Variants in CNTN4 observed in about 807,000 individuals in gnomAD.
CNTN4 encodes contactin 4.
Under a neutral mutation model 122.5 loss-of-function variants are expected in CNTN4, and 77 were observed. The observed-to-expected ratio is 0.63, with a 90% CI of 0.52 to 0.76. The LOEUF is 0.76. CNTN4 is among the 30% of genes least tolerant of loss of function. The pLI, the probability that CNTN4 is intolerant of heterozygous loss-of-function variation, is 0.00. For synonymous variants in CNTN4, 512 were observed against 447.0 expected (o/e 1.15, Z -1.83); for missense variants, 1,256 against 1,259.1 (o/e 1.00, Z 0.04).
At chr3:3,049,185 C>A (rs1700994575) in intron 23 of CNTN4, among the ~76,000 whole-genome samples, 1 of 152,184 alleles carries the variant, frequency 6.6e-6, no homozygotes, top group African/African-American at 2.4e-5. Context: ...AGGGTTCAAG[C>A]AGTTCTCCTG....
chr3:2,418,126 G>A (rs2047484156), intron 3 of CNTN4, among the ~76,000 whole-genome samples: 1 of 152,100 alleles, frequency 6.6e-6, no homozygotes, highest in Non-Finnish European at 1.5e-5. Flanking sequence ...AAACCCTAAT[G>A]TAAACTCCGG....
At chr3:2,223,831 C>G (rs2039157115) in intron 2 of CNTN4, among the ~76,000 whole-genome samples, 3 of 152,162 alleles carry the variant, frequency 2.0e-5, no homozygotes, top group South Asian at 2.1e-4. Flanking sequence ...AGAAAAAAAC[C>G]CTAATTACAT....
intron 13 of CNTN4, among the ~76,000 whole-genome samples, chr3:2,932,455 C>T (rs1029751230): frequency 2.6e-5 from 4 of 152,026 alleles, no homozygotes; most frequent in African/African-American, 9.7e-5. Flanking sequence ...TGATATGGGC[C>T]TCATTGGTCT....
intron 2 of CNTN4, among the ~76,000 whole-genome samples, chr3:2,199,058 C>T (rs1372819435): frequency 6.6e-6 from 1 of 152,196 alleles, no homozygotes; most frequent in African/African-American, 2.4e-5. Flanking sequence ...AGAATACCTA[C>T]AGCAAACATA....
chr3:2,706,340 T>C (rs2086735815), intron 4 of CNTN4, among the ~76,000 whole-genome samples: 1 of 152,010 alleles, frequency 6.6e-6, no homozygotes, highest in Admixed American at 6.6e-5. Context: ...TCTGAGAAAA[T>C]AGTAGCATGA....
chr3:2,785,902 C>CA (rs1553639528), intron 6 of CNTN4, among the ~76,000 whole-genome samples: 4 of 129,458 alleles, frequency 3.1e-5, no homozygotes, highest in Non-Finnish European at 6.7e-5. Context: ...GCTGCCCCCC[C>CA]CCGCCCCCCC....
At chr3:2,761,803 C>T (rs1269742739) in intron 6 of CNTN4, among the ~76,000 whole-genome samples, 1 of 152,086 alleles carries the variant, frequency 6.6e-6, no homozygotes, top group Non-Finnish European at 1.5e-5. Context: ...GGTCAGTAAT[C>T]ACCTGAGATT....
At chr3:2,447,672 C>G (rs1287534996) in intron 3 of CNTN4, among the ~76,000 whole-genome samples, 1 of 151,816 alleles carries the variant, frequency 6.6e-6, no homozygotes, top group Non-Finnish European at 1.5e-5. Flanking sequence ...TGTACATATT[C>G]TGAATGAATA....
At chr3:2,261,285 A>G (rs979684237) in intron 2 of CNTN4, among the ~76,000 whole-genome samples, 1 of 152,182 alleles carries the variant, frequency 6.6e-6, no homozygotes. Context: ...GAACCTGCCA[A>G]TTAAATTTAA....
intron 8 of CNTN4, among the ~76,000 whole-genome samples, chr3:2,878,184 G>A (rs4446191): frequency 0.26 from 38,952 of 151,940 alleles, 5,067 homozygotes; most frequent in Middle Eastern, 0.36. Flanking sequence ...TCACGTTCCT[G>A]TAGCCATAAA....
chr3:2,848,383 G>A (rs1204780497), intron 7 of CNTN4, among the ~76,000 whole-genome samples: 1 of 152,230 alleles, frequency 6.6e-6, no homozygotes, highest in African/African-American at 2.4e-5. Flanking sequence ...GGACAAGGGG[G>A]TTGGTTTTGT....
chr3:2,479,181 G>A (rs1453853602), intron 3 of CNTN4, among the ~76,000 whole-genome samples: 1 of 151,924 alleles, frequency 6.6e-6, no homozygotes, highest in Non-Finnish European at 1.5e-5. Flanking sequence ...ATATAGGTTT[G>A]CTTTTTTAAG....
intron 2 of CNTN4, among the ~76,000 whole-genome samples, chr3:2,169,619 G>T (rs775711858): frequency 6.6e-6 from 1 of 151,696 alleles, no homozygotes. Flanking sequence ...GGATGGTCTC[G>T]ATCTCCTGAC....
At position 2,357,147 on chromosome 3, in the gene CNTN4, C is replaced by T. The variant is rs184645915; in HGVS notation, c.-89+17914C>T. On this transcript the variant is annotated intron_variant, in intron 3 of 24. Coordinates refer to ENST00000418658, the MANE Select transcript of CNTN4 (RefSeq NM_175607.3). ...GGTACCTGAGATTTTGCATTTCTAA[C>T]CAAGACCTAGGTGATCCTGATGCTG... Among the ~76,000 whole-genome samples, 409 of 152,300 alleles carry T rather than the reference C, an allele frequency of 2.7e-3. 3 individuals carry two copies. The highest frequency in any genetic ancestry group is 0.014 in the Middle Eastern group (4 of 294).
At chr3:2,875,571 C>T (rs984477887) in intron 8 of CNTN4, among the ~76,000 whole-genome samples, 12 of 152,308 alleles carry the variant, frequency 7.9e-5, no homozygotes, top group African/African-American at 2.6e-4. Context: ...GGCTGCTTTC[C>T]AGCTACAATG....
At chr3:2,521,839 C>A (rs1265481512) in intron 3 of CNTN4, among the ~76,000 whole-genome samples, 1 of 151,922 alleles carries the variant, frequency 6.6e-6, no homozygotes, top group African/African-American at 2.4e-5. Flanking sequence ...TTTTTTTCTA[C>A]TATCAGAGGG....
At chr3:2,120,351 TTATATATATATATATATATATAAATATA>T (rs1410141071) in intron 2 of CNTN4, among the ~76,000 whole-genome samples, 4 of 45,976 alleles carry the variant, frequency 8.7e-5, no homozygotes, top group African/African-American at 1.3e-4. Context: ...GGCATTTAGG[TTATATATATATATATATATATAAATATA>T]TATATATATA....
chr3:2,898,073 C>G (rs2094134541), intron 10 of CNTN4, among the ~76,000 whole-genome samples: 1 of 152,144 alleles, frequency 6.6e-6, no homozygotes, highest in Non-Finnish European at 1.5e-5. Flanking sequence ...TTCATTTATT[C>G]TAGTTTGAAA....
At chr3:2,638,713 G>A (rs1386655134) in intron 4 of CNTN4, among the ~76,000 whole-genome samples, 1 of 152,094 alleles carries the variant, frequency 6.6e-6, no homozygotes, top group Non-Finnish European at 1.5e-5. Context: ...TCAACTTGTT[G>A]ACCTGACCTC....
Sources: gnomAD v4.1 joint callset for allele counts (sites outside exome capture counted in the v4.1 genomes callset) on GRCh38, gnomAD v4.1.1 for gene constraint, MANE v1.5 for transcripts, NCBI Gene and HGNC (gene_info 2026-07-23, HGNC 2026-07-21) for gene names.